Variants in SEC61A1 observed in about 807,000 individuals in gnomAD.
SEC61A1 encodes the protein protein transport protein Sec61 subunit alpha isoform 1.
Under a neutral mutation model 55.2 loss-of-function variants are expected in SEC61A1, and 15 were observed. The observed-to-expected ratio is 0.27, with a 90% CI of 0.18 to 0.42. The LOEUF (loss-of-function observed/expected upper bound fraction) is 0.42, where lower values mean the gene tolerates loss of function less well. SEC61A1 is among the 10% of genes least tolerant of loss of function. SEC61A1 has a pLI of 1.00. For missense variants in SEC61A1, 284 were observed against 602.6 expected, an observed-to-expected ratio of 0.47 and a Z score of 5.53; for synonymous variants, 247 against 234.0, an observed-to-expected ratio of 1.06 and a Z score of -0.51.
Position 128,052,523 on chromosome 3 carries a change from G to C in SEC61A1, c.-30G>C, listed in dbSNP as rs754293378. 2.5e-6 allele frequency: 4 copies of C among 1,593,932 alleles called. No homozygotes were observed. The Admixed American group carries it at 5.2e-5, about 21-fold the overall frequency. On this transcript the variant is annotated 5_prime_UTR_variant, in exon 1 of 12. Coordinates refer to ENST00000243253, the MANE Select transcript of SEC61A1 (RefSeq NM_013336.4). ...TCACGCGGAGCAGAGCTGAGCTGAA[G>C]CGGGACCCGGAGCCCGAGCAGCCGC...
In SEC61A1 at chr3:128,066,983, G is replaced by T. The variant is rs776717459; in HGVS notation, c.807G>T (p.Ser269=). Residue 269 remains serine, a synonymous_variant, in exon 9 of 12, where the codon TCG becomes TCT. Transcript: ENST00000243253. ...TCCGAGTGGACCTGCCAATCAAGTC[G>T]GCCCGCTACCGTGGCCAGTACAACA... ...QGFRVDLPIK[S]ARYRGQYNTY... 1 of 1,614,144 alleles carries T rather than the reference G, an allele frequency of 6.2e-7. No homozygotes were observed. The highest frequency in any genetic ancestry group is 2.2e-5 in the East Asian group (1 of 44,882).
intron 8 of SEC61A1, among the ~76,000 whole-genome samples, chr3:128,066,129 G>C (rs1216132490): frequency 6.6e-6 from 1 of 152,092 alleles, no homozygotes; most frequent in Non-Finnish European, 1.5e-5. Flanking sequence ...CTAGTCTCCA[G>C]GGGTTTCAGA....
intron 5 of SEC61A1, among the ~76,000 whole-genome samples, chr3:128,059,635 G>A (rs990508823): frequency 6.6e-6 from 1 of 152,118 alleles, no homozygotes; most frequent in African/African-American, 2.4e-5. Context: ...TCTGTCCTCT[G>A]GACCCAGACC....
At chr3:128,052,398 CCCGCG>C (rs558830396), upstream of SEC61A1, 27 of 1,213,962 alleles carry the variant, frequency 2.2e-5, no homozygotes, top group Middle Eastern at 3.2e-4. Context: ...CCGGCCCCGC[CCCGCG>C]CCGCGCCGCG....
In SEC61A1 at chr3:128,060,228, C is replaced by A; in HGVS notation, c.462+17C>A. 1.3e-6 allele frequency: 2 copies of A among 1,551,328 alleles called. No individual in the cohort carries two copies. Among genetic ancestry groups the A allele is most frequent in the South Asian group, 2.2e-5 (2 of 89,810 alleles). On this transcript the variant is annotated intron_variant, in intron 6 of 11. Transcript: ENST00000243253. ...ACCATTCAGGTAATTATTATGCTAA[C>A]ATCTCCCTTTGAGTAGCCCCTCACA... is the stretch of plus-strand genomic sequence containing the variant.
upstream of SEC61A1, among the ~76,000 whole-genome samples, chr3:128,052,195 T>C (rs953881301): frequency 2.6e-5 from 4 of 151,710 alleles, no homozygotes; most frequent in African/African-American, 7.3e-5. Context: ...CCGCGCGCTC[T>C]CGCGTTACCA....
intron 7 of SEC61A1, among the ~76,000 whole-genome samples, chr3:128,062,228 T>C (rs1941862546): frequency 6.6e-6 from 1 of 152,182 alleles, no homozygotes; most frequent in African/African-American, 2.4e-5. Context: ...GGAAGGGCTG[T>C]GCCCCATGGC....
chr3:128,055,948 G>A (rs1576419337), intron 4 of SEC61A1, among the ~76,000 whole-genome samples, 197 bp downstream of exon 4: 1 of 152,194 alleles, frequency 6.6e-6, no homozygotes, highest in Non-Finnish European at 1.5e-5. Context: ...ATTTGGAATT[G>A]TATTTGAATG....
In SEC61A1 at chr3:128,052,710, T is replaced by G. The variant is rs1234899026; in HGVS notation, c.8-125T>G. On this transcript the variant is annotated intron_variant, in intron 1 of 11. Transcript: ENST00000243253. ...GGCCCTTCTCGAGTATCCCCACGCG[T>G]CCGGGGTGCGGCCGGCTCCCCTGGC... The G allele has an allele frequency of 2.0e-6, 3 of 1,499,436 alleles. No individual in the cohort carries two copies. The Admixed American group carries it at 6.0e-5, about 30-fold the overall frequency. The allele number at this position is 1,499,436 out of a possible 1,614,324, so 92.9% of individuals were successfully genotyped here.
At chr3:128,068,406 A>T (rs1942048987) in intron 11 of SEC61A1, among the ~76,000 whole-genome samples, 1 of 152,058 alleles carries the variant, frequency 6.6e-6, no homozygotes, top group African/African-American at 2.4e-5. Flanking sequence ...TGCTGAAGAG[A>T]GCGCCCTGGA....
intron 7 of SEC61A1, among the ~76,000 whole-genome samples, chr3:128,061,952 G>A (rs1176403130): frequency 6.6e-6 from 1 of 152,238 alleles, no homozygotes; most frequent in Non-Finnish European, 1.5e-5. Context: ...GGGAGCCAGA[G>A]TTTGGAAGAA....
rs1030090933 is a variant in SEC61A1 at position 128,059,436 on chromosome 3, G to A, written c.353-666G>A. The stretch of plus-strand genomic sequence containing the variant: ...TGCAGTGAGCCAAGATCATGCCACC[G>A]TACTCCAGCCTGGGCGACAGAGACT... On this transcript the variant is annotated intron_variant, in intron 5 of 11. Coordinates refer to ENST00000243253, the MANE Select transcript of SEC61A1 (RefSeq NM_013336.4). Among the ~76,000 whole-genome samples the A allele has an allele frequency of 9.3e-5, 14 of 150,596 alleles. No individual in the cohort carries two copies. In the South Asian group the frequency reaches 1.3e-3, roughly 14 times the overall value.
At position 128,067,648 on chromosome 3, in the gene SEC61A1, A is replaced by C. The variant is rs1041377138; in HGVS notation, c.1167+36A>C. On this transcript the variant is annotated intron_variant, in intron 10 of 11. Transcript: ENST00000243253. The surrounding 1 kb of genome is among the most constrained non-coding windows in gnomAD (Gnocchi z 4.1). ...GCAAAACTTTCTGGAAGGGTGATGA[A>C]AGTGTGACTGGTATAAGGGGTGTGG... The C allele has an allele frequency of 6.6e-7, 1 of 1,516,202 alleles. No individual in the cohort carries two copies. Among genetic ancestry groups the C allele is most frequent in the Admixed American group, 1.7e-5 (1 of 57,460 alleles). The allele number at this position is 1,516,202 out of a possible 1,614,324, so 93.9% of individuals were successfully genotyped here.
chr3:128,060,642 T>G lies in SEC61A1; in HGVS notation c.597T>G (p.Thr199=). 1 of 1,614,182 alleles carries G rather than the reference T, an allele frequency of 6.2e-7. No individual in the cohort carries two copies. Among genetic ancestry groups the G allele is most frequent in the Non-Finnish European group, 8.5e-7 (1 of 1,180,036 alleles). The change falls in exon 7 of 12, where the codon ACT becomes ACG. Residue 199 remains threonine, a synonymous_variant. Transcript: ENST00000243253. ...ETIVWKAFSP[T]TVNTGRGMEF... The stretch of plus-strand genomic sequence containing the variant: ...TCGTATGGAAGGCATTCAGCCCCAC[T>G]ACTGTCAACACTGGCCGAGGTAAGG...
chr3:128,056,324 T>C (rs768774249), intron 4 of SEC61A1, among the ~76,000 whole-genome samples: 1 of 152,242 alleles, frequency 6.6e-6, no homozygotes, highest in Non-Finnish European at 1.5e-5. Context: ...TATTCACAAC[T>C]AGATACAATT....
At chr3:128,051,794 C>A, upstream of SEC61A1, 1 of 1,532,510 alleles carries the variant, frequency 6.5e-7, no homozygotes, top group South Asian at 1.2e-5. Flanking sequence ...GCTGCCCCGG[C>A]CCTTCTCCGG....
chr3:128,069,121 ATTAAAT>A (rs1203241893), intron 11 of SEC61A1, among the ~76,000 whole-genome samples: 1 of 152,260 alleles, frequency 6.6e-6, no homozygotes, highest in Non-Finnish European at 1.5e-5. Flanking sequence ...AACAGGTGAA[ATTAAAT>A]TTAATATATT....
At chr3:128,052,942 A>G (rs1361725053) in intron 2 of SEC61A1, 40 bp downstream of exon 2, 3 of 1,491,508 alleles carry the variant, frequency 2.0e-6, no homozygotes, top group African/African-American at 2.8e-5. Context: ...GTTTCAGGAA[A>G]CTGTCTGGAC....
At chr3:128,055,617 G>T (rs777496805) in intron 3 of SEC61A1, 36 bp downstream of exon 3, 30 of 1,608,252 alleles carry the variant, frequency 1.9e-5, no homozygotes, top group Non-Finnish European at 2.6e-5. Flanking sequence ...TGGGGAGGGG[G>T]ATAAGAGTGG....
Sources: gnomAD v4.1 joint callset for allele counts (sites outside exome capture counted in the v4.1 genomes callset) on GRCh38, gnomAD v4.1.1 for gene constraint, Gnocchi (gnomAD v3.1) non-coding constraint, MANE v1.5 for transcripts, NCBI Gene and HGNC (gene_info 2026-07-23, HGNC 2026-07-21) for gene names.